Variants in MYT1L observed in about 807,000 individuals in gnomAD.
The protein encoded by MYT1L is myelin transcription factor 1 like, also known as myelin transcription factor 1-like protein.
Under a neutral mutation model 126.7 loss-of-function variants are expected in MYT1L, and 12 were observed. That is an observed-to-expected ratio of 0.09 (90% CI 0.06 to 0.15). The LOEUF is 0.15. Among genes scored for constraint, MYT1L ranks in the 10% least tolerant of loss-of-function variants. The probability of loss-of-function intolerance (pLI) is 1.00; values close to 1 mark genes in which losing one functional copy is unlikely to be tolerated. For synonymous variants in MYT1L, 541 were observed against 604.2 expected (o/e 0.90, Z 1.53); for missense variants, 979 against 1,585.2 (o/e 0.62, Z 6.49).
chr2:2,260,815 G>A (rs555909338), intron 2 of MYT1L, among the ~76,000 whole-genome samples: 8 of 152,172 alleles, frequency 5.3e-5, no homozygotes, highest in East Asian at 1.9e-4. Context: ...CTTCAGAATC[G>A]GACACTCAGC....
chr2:1,956,191 G>GTCTA (rs368487475), intron 8 of MYT1L, among the ~76,000 whole-genome samples: 23,766 of 145,712 alleles, frequency 0.16, 2,158 homozygotes, highest in South Asian at 0.2. Flanking sequence ...TTACCTAGCT[G>GTCTA]TCTATCTATC....
At chr2:2,046,166 T>C (rs959478201) in intron 4 of MYT1L, among the ~76,000 whole-genome samples, 9 of 152,234 alleles carry the variant, frequency 5.9e-5, no homozygotes, top group Non-Finnish European at 1.3e-4. Flanking sequence ...AGGCACCTAA[T>C]TCCTTCCCTC....
At position 2,236,767 on chromosome 2, in the gene MYT1L, T is replaced by C. The variant is rs1007850455; in HGVS notation, c.-421+47637A>G. Among the ~76,000 whole-genome samples, 32 of 19,960 alleles carry C rather than the reference T, an allele frequency of 1.6e-3. 1 individual carries two copies. The highest frequency in any genetic ancestry group is 3.0e-3 in the South Asian group (1 of 334). 13.1% of individuals were successfully genotyped at this position (19,960 alleles called of 152,430 possible). ...ACTCATTGGTTGTCCTTTCTTCTTC[T>C]TCTTCTTCTTCTTCTTCTTCTTCTT... On this transcript the variant is annotated intron_variant, in intron 2 of 24. Transcript: ENST00000647738.
intron 5 of MYT1L, among the ~76,000 whole-genome samples, chr2:1,992,502 A>T (rs2061522098): frequency 6.6e-6 from 1 of 151,988 alleles, no homozygotes; most frequent in Non-Finnish European, 1.5e-5. Flanking sequence ...TCTGTCCGGG[A>T]ATTCTCGGGC....
chr2:2,326,930 AG>A (rs555386386), intron 1 of MYT1L: 37 of 152,360 alleles, frequency 2.4e-4, no homozygotes, highest in African/African-American at 8.7e-4. Context: ...TTAAAGAGAG[AG>A]GGGGCAGAAG....
At chr2:2,024,424 T>A (rs2065326149) in intron 4 of MYT1L, among the ~76,000 whole-genome samples, 1 of 152,238 alleles carries the variant, frequency 6.6e-6, no homozygotes, top group African/African-American at 2.4e-5. Flanking sequence ...TTCATTGCTC[T>A]TGAAATTCCC....
At chr2:2,079,367 T>C (rs2075570306) in intron 3 of MYT1L, among the ~76,000 whole-genome samples, 3 of 152,224 alleles carry the variant, frequency 2.0e-5, no homozygotes, top group Non-Finnish European at 4.4e-5. Flanking sequence ...TGGAAAGACA[T>C]GTTCACAGAT....
intron 3 of MYT1L, among the ~76,000 whole-genome samples, chr2:2,089,479 C>A (rs1426938469): frequency 2.0e-5 from 3 of 152,156 alleles, no homozygotes; most frequent in African/African-American, 7.2e-5. Flanking sequence ...AAACAGAAAT[C>A]TCGATAGTGT....
At chr2:2,197,227 A>G (rs1572367519) in intron 2 of MYT1L, among the ~76,000 whole-genome samples, 1 of 152,312 alleles carries the variant, frequency 6.6e-6, no homozygotes, top group East Asian at 1.9e-4. Flanking sequence ...CAGAAAAGAA[A>G]GTGATTTACC....
At chr2:2,015,115 A>G (rs946235602) in intron 4 of MYT1L, among the ~76,000 whole-genome samples, 1 of 152,092 alleles carries the variant, frequency 6.6e-6, no homozygotes, top group Admixed American at 6.5e-5. Flanking sequence ...CTGGTGTGGG[A>G]TGAATCATAA....
intron 1 of MYT1L, among the ~76,000 whole-genome samples, chr2:2,320,717 T>C (rs1021258432): frequency 6.6e-6 from 1 of 152,216 alleles, no homozygotes; most frequent in African/African-American, 2.4e-5. Flanking sequence ...ATAATACACC[T>C]AGTTTCTACA....
intron 3 of MYT1L, among the ~76,000 whole-genome samples, chr2:2,168,052 T>C (rs926320166): frequency 6.6e-6 from 1 of 152,242 alleles, no homozygotes; most frequent in Non-Finnish European, 1.5e-5. Flanking sequence ...ATTTTATCCC[T>C]TCACTTGCAC....
chr2:1,880,349 A>G (rs2047375177), intron 18 of MYT1L, among the ~76,000 whole-genome samples: 1 of 152,270 alleles, frequency 6.6e-6, no homozygotes, highest in Admixed American at 6.5e-5. Context: ...TTTTATTTTT[A>G]CTTTTCGAGA....
intron 3 of MYT1L, among the ~76,000 whole-genome samples, chr2:2,077,810 T>C (rs1476750159): frequency 6.6e-6 from 1 of 152,126 alleles, no homozygotes; most frequent in Non-Finnish European, 1.5e-5. Flanking sequence ...GTTTTAGAAA[T>C]ACTAAAGGGA....
chr2:2,274,547 G>A (rs1020582075), intron 2 of MYT1L, among the ~76,000 whole-genome samples: 2 of 152,158 alleles, frequency 1.3e-5, no homozygotes, highest in African/African-American at 4.8e-5. Context: ...AGTATTGGAA[G>A]ATTTTGTTTC....
chr2:2,243,221 TCAA>T (rs537453309), intron 2 of MYT1L, among the ~76,000 whole-genome samples: 178 of 152,314 alleles, frequency 1.2e-3, no homozygotes, highest in Non-Finnish European at 1.5e-3. Flanking sequence ...TACAGTTTCC[TCAA>T]CAACAAGTTA....
rs560913681 is a variant in MYT1L at position 2,096,489 on chromosome 2, A to G, written c.-303-42366T>C. On this transcript the variant is annotated intron_variant, in intron 3 of 24. Transcript: ENST00000647738. Reference sequence around the variant, plus strand: ...CATGCTATTTACAAATGTCTCCCGTATCCAAGTCAACTCAGGGGAGATCTT... The same window carrying G: ...CATGCTATTTACAAATGTCTCCCGTGTCCAAGTCAACTCAGGGGAGATCTT... 2.0e-4 allele frequency among the ~76,000 whole-genome samples: 31 copies of G among 152,316 alleles called. No individual in the cohort carries two copies. The South Asian group carries it at 6.4e-3, about 32-fold the overall frequency.
At chr2:2,242,113 A>T (rs960574983) in intron 2 of MYT1L, among the ~76,000 whole-genome samples, 2 of 152,194 alleles carry the variant, frequency 1.3e-5, no homozygotes, top group Non-Finnish European at 2.9e-5. Flanking sequence ...AAAAGGAAAA[A>T]ATGTCAGAAG....
At chr2:2,196,642 T>G (rs898020476) in intron 2 of MYT1L, among the ~76,000 whole-genome samples, 2 of 151,924 alleles carry the variant, frequency 1.3e-5, no homozygotes, top group East Asian at 1.9e-4. Flanking sequence ...GTTAAAGCAT[T>G]GGTAATTTCA....
Sources: allele counts gnomAD v4.1 joint callset (sites outside exome capture counted in the v4.1 genomes callset), GRCh38; gene constraint gnomAD v4.1.1; transcripts MANE v1.5; gene names NCBI Gene and HGNC (gene_info 2026-07-23, HGNC 2026-07-21).